The following DISP1 variants were observed in gnomAD, a reference collection of about 807,000 sequenced individuals.
DISP1 encodes the protein dispatched RND transporter family member 1, also known as protein dispatched homolog 1.
In DISP1, 30 loss-of-function variants were observed where a neutral mutation model predicts 37.3. That is an observed-to-expected ratio of 0.80 (90% CI 0.60 to 1.09). The LOEUF (loss-of-function observed/expected upper bound fraction) is 1.09, where lower values mean the gene tolerates loss of function less well. Among genes scored for constraint, DISP1 ranks in the 50% least tolerant of loss-of-function variants. DISP1 has a pLI of 0.00. For synonymous variants in DISP1, 634 were observed against 690.2 expected (o/e 0.92, Z 1.28); for missense variants, 1,598 against 1,879.5 (o/e 0.85, Z 2.77).
intron 1 of DISP1, among the ~76,000 whole-genome samples, chr1:222,850,325 T>G (rs1668150944): frequency 6.6e-6 from 1 of 152,144 alleles, no homozygotes; most frequent in Admixed American, 6.6e-5. Flanking sequence ...TTTTTTTGTT[T>G]AGCTCCCTTG....
At chr1:222,943,899 G>A (rs1169470797) in intron 3 of DISP1, among the ~76,000 whole-genome samples, 1 of 152,034 alleles carries the variant, frequency 6.6e-6, no homozygotes, top group African/African-American at 2.4e-5. Context: ...GCGTGGTGGT[G>A]CATGCCTATA....
At chr1:222,877,984 TA>T (rs1344553770) in intron 1 of DISP1, among the ~76,000 whole-genome samples, 2 of 152,172 alleles carry the variant, frequency 1.3e-5, no homozygotes, top group Non-Finnish European at 1.5e-5. Context: ...TGTTGCCAGA[TA>T]AGGCTGGAGA....
chr1:222,863,884 G>A (rs1669022727), intron 1 of DISP1, among the ~76,000 whole-genome samples: 1 of 152,094 alleles, frequency 6.6e-6, no homozygotes, highest in Admixed American at 6.6e-5. Flanking sequence ...GGTGTAATAA[G>A]ATAGTCTAGG....
At chr1:222,969,356 G>T (rs186446840) in intron 3 of DISP1, among the ~76,000 whole-genome samples, 5 of 56,250 alleles carry the variant, frequency 8.9e-5, no homozygotes, top group Non-Finnish European at 1.6e-4. Flanking sequence ...GGCAAAAAGA[G>T]TGAAACTTGG....
intron 4 of DISP1, among the ~76,000 whole-genome samples, chr1:222,988,107 T>A (rs1678406608): frequency 6.6e-6 from 1 of 152,222 alleles, no homozygotes; most frequent in Non-Finnish European, 1.5e-5. Flanking sequence ...CACTTAAATG[T>A]TTTTATTATT....
At chr1:222,843,896 C>T (rs1177415165) in intron 1 of DISP1, among the ~76,000 whole-genome samples, 7 of 152,090 alleles carry the variant, frequency 4.6e-5, no homozygotes, top group African/African-American at 1.7e-4. Context: ...TAAATCATGT[C>T]ACTCTTGTTT....
chr1:222,977,724 C>T (rs1415573871), intron 3 of DISP1, among the ~76,000 whole-genome samples: 1 of 151,676 alleles, frequency 6.6e-6, no homozygotes, highest in Non-Finnish European at 1.5e-5. Context: ...TGTGATATTC[C>T]CCTTCCTGTG....
At chr1:222,991,904 A>G in intron 6 of DISP1, 109 bp from the exon 7 acceptor site, 3 of 917,124 alleles carry the variant, frequency 3.3e-6, no homozygotes, top group South Asian at 2.8e-5. Flanking sequence ...TCAACTTAAT[A>G]TCAAGGACTA....
rs887118913 is a variant in DISP1, at chr1:222,865,012, A to G, written c.-159+49934A>G. On this transcript the variant is annotated intron_variant, in intron 1 of 8. Transcript: ENST00000675850. ...GCCATTAATGATGCTAACTCTTGAG[A>G]TAGGTTTTTATTTGTTTGTTTTTGT... Among the ~76,000 whole-genome samples the G allele has an allele frequency of 1.1e-4, 16 of 152,066 alleles. No individual in the cohort carries two copies. The East Asian group carries it at 1.4e-3, about 13-fold the overall frequency.
chr1:222,835,923 C>T (rs36133935), intron 1 of DISP1, among the ~76,000 whole-genome samples: 1 of 149,740 alleles, frequency 6.7e-6, no homozygotes, highest in African/African-American at 2.5e-5. Context: ...TCACTGCACT[C>T]CAGCCTGGCA....
At chr1:222,858,995 G>T (rs1008713010) in intron 1 of DISP1, among the ~76,000 whole-genome samples, 6 of 152,080 alleles carry the variant, frequency 3.9e-5, no homozygotes, top group Admixed American at 6.5e-5. Context: ...ATACCCAAAG[G>T]AATATAAATC....
intron 1 of DISP1, among the ~76,000 whole-genome samples, chr1:222,907,390 C>A (rs753743311): frequency 6.6e-6 from 1 of 152,182 alleles, no homozygotes; most frequent in Non-Finnish European, 1.5e-5. Context: ...GCAGCTTTAG[C>A]ATCATCTGGG....
intron 1 of DISP1, among the ~76,000 whole-genome samples, chr1:222,817,881 C>T (rs765823346): frequency 1.3e-5 from 2 of 152,126 alleles, no homozygotes; most frequent in Non-Finnish European, 2.9e-5. Flanking sequence ...TGACTGTGAA[C>T]CTCTTGTTTA....
intron 2 of DISP1, among the ~76,000 whole-genome samples, chr1:222,936,868 A>ATCATATATATGATATATAATTTATATT: frequency 1.4e-5 from 1 of 69,392 alleles, no homozygotes; most frequent in East Asian, 4.4e-4. Flanking sequence ...TAATTTATAT[A>ATCATATATATGATATATAATTTATATT]TCATATATAT....
At chr1:222,973,526 G>A (rs1439482481) in intron 3 of DISP1, among the ~76,000 whole-genome samples, 2 of 152,174 alleles carry the variant, frequency 1.3e-5, no homozygotes, top group East Asian at 1.9e-4. Flanking sequence ...CTCACATTGT[G>A]TAGTGCCCCA....
chr1:222,982,623 G>A (rs188291610), intron 3 of DISP1, among the ~76,000 whole-genome samples: 18 of 152,308 alleles, frequency 1.2e-4, no homozygotes, highest in African/African-American at 4.1e-4. Context: ...GAAGCAGCTG[G>A]TATCTTGAAG....
chr1:222,912,373 C>G (rs1304182383), intron 1 of DISP1, among the ~76,000 whole-genome samples: 1 of 152,144 alleles, frequency 6.6e-6, no homozygotes, highest in African/African-American at 2.4e-5. Flanking sequence ...ACTTTTTCTT[C>G]TGACTTACCT....
chr1:222,846,352 G>T (rs1191154736), intron 1 of DISP1, among the ~76,000 whole-genome samples: 2 of 152,186 alleles, frequency 1.3e-5, no homozygotes, highest in Admixed American at 6.5e-5. Flanking sequence ...TTAGCTGGGT[G>T]TGGTGGCGCA....
At chr1:222,903,519 T>C (rs967351004) in intron 1 of DISP1, among the ~76,000 whole-genome samples, 2 of 152,118 alleles carry the variant, frequency 1.3e-5, no homozygotes, top group Non-Finnish European at 2.9e-5. Flanking sequence ...TAAATTTATA[T>C]ATGTAAATAT....
Sources: allele counts gnomAD v4.1 joint callset (sites outside exome capture counted in the v4.1 genomes callset), GRCh38; gene constraint gnomAD v4.1.1; transcripts MANE v1.5; gene names NCBI Gene and HGNC (gene_info 2026-07-23, HGNC 2026-07-21).